TMEM67: variants seen among roughly 807,000 people sequenced by gnomAD.
TMEM67 encodes transmembrane protein 67.
In TMEM67, 124 loss-of-function variants were observed where a neutral mutation model predicts 136.6. The observed-to-expected ratio is 0.91, with a 90% confidence interval of 0.78 to 1.05. TMEM67 has a LOEUF of 1.05. Among genes scored for constraint, TMEM67 ranks in the 50% least tolerant of loss-of-function variants. TMEM67 has a pLI of 0.00. For missense variants in TMEM67, 1,107 were observed against 1,178.4 expected, an observed-to-expected ratio of 0.94 and a Z score of 0.89; for synonymous variants, 364 against 390.5, an observed-to-expected ratio of 0.93 and a Z score of 0.80.
At chr8:93,789,433 A>G (rs1037636296) in intron 14 of TMEM67, among the ~76,000 whole-genome samples, 4 of 152,086 alleles carry the variant, frequency 2.6e-5, no homozygotes, top group African/African-American at 9.7e-5. Context: ...TGGGTAATCA[A>G]GAATGTATTT....
rs1302419710 is a variant in TMEM67, at chr8:93,782,183, G to A, written c.1066-212G>A. 2.0e-5 allele frequency among the ~76,000 whole-genome samples: 3 copies of A among 152,084 alleles called. No homozygotes were observed. The East Asian group carries it at 5.8e-4, about 29-fold the overall frequency. ...CCCTTCTTGGCCTCCCAAAGCGCTG[G>A]GATTGCAGGCATGAGCCACCATGCC... On this transcript the variant is annotated intron_variant, in intron 10 of 27. Coordinates refer to ENST00000453321, the MANE Select transcript of TMEM67 (RefSeq NM_153704.6).
At chr8:93,816,075 C>T (rs1808894880) in intron 27 of TMEM67, among the ~76,000 whole-genome samples, 1 of 152,102 alleles carries the variant, frequency 6.6e-6, no homozygotes, top group South Asian at 2.1e-4. Flanking sequence ...TTTGATGTTT[C>T]CGTAGTTTTA....
At chr8:93,797,294 G>A (rs1814664634) in intron 19 of TMEM67, 37 bp from the exon 20 acceptor site, 2 of 1,613,904 alleles carry the variant, frequency 1.2e-6, no homozygotes, top group Non-Finnish European at 1.7e-6. Context: ...GAGCAAAGGA[G>A]GTAAAACTCT....
chr8:93,788,019 G>C, intron 14 of TMEM67, 70 bp downstream of exon 14: 1 of 1,218,656 alleles, frequency 8.2e-7, no homozygotes, highest in Non-Finnish European at 1.2e-6. Context: ...TTTACATTTT[G>C]GTCAAAAGAC....
the TMEM67 span, among the ~76,000 whole-genome samples, chr8:93,826,223 A>G: frequency 1.3e-4 from 16 of 123,556 alleles, no homozygotes; most frequent in Non-Finnish European, 7.9e-5. Flanking sequence ...TCCGCCTCCC[A>G]GGTTCACGCC....
chr8:93,820,703 G>C (rs932195665), downstream of TMEM67, among the ~76,000 whole-genome samples: 1 of 152,184 alleles, frequency 6.6e-6, no homozygotes, highest in South Asian at 2.1e-4. Context: ...TTAGAAAAGT[G>C]CCTGGCACAT....
intron 21 of TMEM67, among the ~76,000 whole-genome samples, chr8:93,801,463 G>A (rs528499927): frequency 9.9e-5 from 15 of 151,216 alleles, no homozygotes; most frequent in African/African-American, 2.9e-4. Flanking sequence ...GTGCAGTGGC[G>A]TGATCTCAGC....
intron 21 of TMEM67, among the ~76,000 whole-genome samples, chr8:93,802,779 A>G (rs1005104945): frequency 6.6e-6 from 1 of 152,226 alleles, no homozygotes; most frequent in African/African-American, 2.4e-5. Context: ...TAGAGTATGT[A>G]GGAAAACATT....
chr8:93,756,080 C>T, intron 2 of TMEM67: 1 of 436,972 alleles, frequency 2.3e-6, no homozygotes, highest in South Asian at 3.6e-5. Context: ...AATCTGAAAT[C>T]CAAAAACCAC....
intron 6 of TMEM67, among the ~76,000 whole-genome samples, chr8:93,769,161 C>T (rs567722001): frequency 2.6e-5 from 4 of 152,218 alleles, no homozygotes; most frequent in African/African-American, 4.8e-5. Context: ...AACACTGGCG[C>T]GGGCAGGGAA....
rs771718467 is a variant in TMEM67, at chr8:93,765,623, T to C, written c.628T>C (p.Ser210Pro). ...STGNFPLRRISAARYGEVGMS... is the reference protein window; with the variant it reads ...STGNFPLRRIPAARYGEVGMS... ...AGGGAATTTTCCTCTACGTAGAATT[T>C]CAGCTGCACGTTATGGAGAAGTTGT... Residue 210 changes from serine (S) to proline (P), a missense_variant, in exon 6 of 28, where the codon TCA becomes CCA. Transcript: ENST00000453321. 4.3e-6 allele frequency: 7 copies of C among 1,612,844 alleles called. No individual in the cohort carries two copies. Among genetic ancestry groups the C allele is most frequent in the Non-Finnish European group, 5.9e-6 (7 of 1,178,922 alleles).
intron 21 of TMEM67, among the ~76,000 whole-genome samples, 155 bp downstream of exon 21, chr8:93,799,913 T>TC (rs1326052721): frequency 1.3e-5 from 2 of 149,674 alleles, no homozygotes; most frequent in African/African-American, 2.5e-5. Flanking sequence ...TCTTTTTTTT[T>TC]TTTTTTTTTT....
chr8:93,786,990 T>C (rs1814138989), intron 13 of TMEM67, among the ~76,000 whole-genome samples: 1 of 152,228 alleles, frequency 6.6e-6, no homozygotes, highest in African/African-American at 2.4e-5. Flanking sequence ...CATAATCTTA[T>C]AAACAGTGCA....
chr8:93,821,304 C>T (rs113610760), downstream of TMEM67, among the ~76,000 whole-genome samples: 5,784 of 152,198 alleles, frequency 0.038, 138 homozygotes, highest in South Asian at 0.067. Flanking sequence ...TGTTTTGAGA[C>T]AGGGTCACTC....
the TMEM67 span, among the ~76,000 whole-genome samples, chr8:93,832,408 C>T: frequency 6.6e-6 from 1 of 152,192 alleles, no homozygotes; most frequent in South Asian, 2.1e-4. Context: ...TCTACTTTAC[C>T]TACAGAACAA....
chr8:93,817,075 G>A lies in TMEM67; in HGVS notation c.*623G>A, dbSNP rs969064642. 2.3e-4 allele frequency: 35 copies of A among 152,076 alleles called. No homozygotes were observed. Among genetic ancestry groups the A allele is most frequent in the African/African-American group, 7.5e-4 (31 of 41,408 alleles). The allele number at this position is 152,076 out of a possible 1,614,324, so 9.4% of individuals were successfully genotyped here. A position where few individuals can be genotyped will look rare whatever the true frequency, so the allele number is the denominator to read the frequency against. On this transcript the variant is annotated 3_prime_UTR_variant, in exon 28 of 28. Transcript: ENST00000453321. ...GTATACCTGTATTAGGTCAGTATACGCTTTCCATGAAATATATTTGCATTT... is the reference window on the plus strand; with the variant it reads ...GTATACCTGTATTAGGTCAGTATACACTTTCCATGAAATATATTTGCATTT...
rs775933592 is a variant in TMEM67 at position 93,816,412 on chromosome 8, T to C, written c.2948T>C (p.Leu983Ser). 6.9e-6 allele frequency: 11 copies of C among 1,597,578 alleles called. No individual in the cohort carries two copies. Among genetic ancestry groups the C allele is most frequent in the Non-Finnish European group, 8.6e-6 (10 of 1,167,202 alleles). ...CGTAATACAGTAGGACAAAAGAATT[T>C]GGCATCCAAAACATTGGTGGATCAA... The part of the protein sequence containing the change: ...YIRNTVGQKN[L>S]ASKTLVDQRF... The change falls in exon 28 of 28, where the codon TTG becomes TCG. Residue 983 changes from leucine (L) to serine (S), a missense_variant. Leu to Ser is a moderately radical substitution (Grantham distance 145, BLOSUM62 -2). Around this residue, in one of 3 missense-constraint regions of TMEM67, gnomAD observed 925 missense variants for 1,002.4 expected, o/e 0.92. Transcript: ENST00000453321.
downstream of TMEM67, among the ~76,000 whole-genome samples, chr8:93,818,537 G>GT (rs920638444): frequency 1.6e-4 from 25 of 151,996 alleles, no homozygotes; most frequent in African/African-American, 2.9e-4. Context: ...TGAAGCATGT[G>GT]TTTTTTTTGT....
intron 3 of TMEM67, chr8:93,759,122 G>A (rs1337166306): frequency 2.0e-5 from 3 of 152,074 alleles, no homozygotes; most frequent in Admixed American, 1.3e-4. Context: ...GTTAATGTCA[G>A]GACCTGGAAA....
Sources: gnomAD v4.1 joint callset for allele counts (sites outside exome capture counted in the v4.1 genomes callset) on GRCh38, gnomAD v4.1.1 for gene constraint, gnomAD v4.1.1 regional missense constraint, MANE v1.5 for transcripts, NCBI Gene and HGNC (gene_info 2026-07-23, HGNC 2026-07-21) for gene names.